Variants in SORCS3 observed in about 807,000 individuals in gnomAD.
SORCS3 encodes the protein sortilin related VPS10 domain containing receptor 3.
SORCS3 carries 57 observed loss-of-function variants against 146.3 expected under a neutral mutation model. That is an observed-to-expected ratio of 0.39 (90% CI 0.31 to 0.49). The LOEUF (loss-of-function observed/expected upper bound fraction) is 0.49. Ranked by LOEUF, SORCS3 falls within the 20% of genes least tolerant of loss-of-function variation. The pLI, the probability that SORCS3 is intolerant of heterozygous loss-of-function variation, is 0.92. For synonymous variants in SORCS3, 653 were observed against 618.5 expected (o/e 1.06, Z -0.83); for missense variants, 1,341 against 1,575.5 (o/e 0.85, Z 2.52).
intron 1 of SORCS3, among the ~76,000 whole-genome samples, chr10:104,805,676 G>A (rs1270380052): frequency 3.3e-5 from 5 of 152,098 alleles, no homozygotes; most frequent in Non-Finnish European, 5.9e-5. Context: ...GGGACATCCA[G>A]AGTAGGGAAG....
At chr10:104,851,494 G>A (rs7085388) in intron 2 of SORCS3, among the ~76,000 whole-genome samples, 4 of 152,280 alleles carry the variant, frequency 2.6e-5, no homozygotes, top group African/African-American at 4.8e-5. Context: ...CAATTCATTA[G>A]CCTTCTAATG....
chr10:104,703,065 C>T (rs922558085), intron 1 of SORCS3, among the ~76,000 whole-genome samples: 1 of 152,168 alleles, frequency 6.6e-6, no homozygotes, highest in Non-Finnish European at 1.5e-5. Context: ...ATTGATTATA[C>T]AAGAAGTTAG....
At chr10:104,670,342 T>C (rs537714510) in intron 1 of SORCS3, among the ~76,000 whole-genome samples, 6 of 152,286 alleles carry the variant, frequency 3.9e-5, no homozygotes, top group Non-Finnish European at 8.8e-5. Flanking sequence ...TTTTAGGTCT[T>C]ACATTTAGGT....
At chr10:105,068,430 C>A (rs552927022) in intron 5 of SORCS3, among the ~76,000 whole-genome samples, 154 of 152,250 alleles carry the variant, frequency 1.0e-3, no homozygotes, top group African/African-American at 3.6e-3. Context: ...TCCCTGTTGG[C>A]ACTTCCTTCA....
At chr10:105,250,685 G>T (rs573959607) in intron 22 of SORCS3, among the ~76,000 whole-genome samples, 1 of 152,096 alleles carries the variant, frequency 6.6e-6, no homozygotes, top group African/African-American at 2.4e-5. Context: ...CTTGCTTTAA[G>T]GTAGTTAAAG....
chr10:104,973,710 AT>A (rs1467965053), intron 3 of SORCS3, among the ~76,000 whole-genome samples: 1 of 149,254 alleles, frequency 6.7e-6, no homozygotes, highest in Non-Finnish European at 1.5e-5. Context: ...TTCTGCTCTG[AT>A]TTTAGTTATT....
intron 1 of SORCS3, among the ~76,000 whole-genome samples, chr10:104,651,443 C>T (rs2015556923): frequency 6.6e-6 from 1 of 150,410 alleles, no homozygotes; most frequent in African/African-American, 2.5e-5. Flanking sequence ...TTTGTAATTC[C>T]AGTACTTTGG....
chr10:104,938,172 A>G (rs932219162), intron 3 of SORCS3, among the ~76,000 whole-genome samples: 2 of 152,182 alleles, frequency 1.3e-5, no homozygotes, highest in Non-Finnish European at 2.9e-5. Flanking sequence ...AGAGAGACCC[A>G]AACTTTCTCA....
intron 1 of SORCS3, among the ~76,000 whole-genome samples, chr10:104,701,499 C>T (rs1291453675): frequency 1.3e-5 from 2 of 152,148 alleles, no homozygotes; most frequent in Non-Finnish European, 2.9e-5. Flanking sequence ...ACTGGAGAGC[C>T]CATTCAAATC....
chr10:105,193,544 G>A (rs2056528593), intron 14 of SORCS3, among the ~76,000 whole-genome samples: 2 of 152,140 alleles, frequency 1.3e-5, no homozygotes, highest in South Asian at 2.1e-4. Context: ...TGTACTTTGA[G>A]GTAGACATGG....
In SORCS3 at chr10:104,882,777, G is replaced by A. The variant is rs1387830; in HGVS notation, c.696-33056G>A. Among the ~76,000 whole-genome samples, 772 of 152,272 alleles carry A rather than the reference G, an allele frequency of 5.1e-3. 9 individuals are homozygous for A. Among genetic ancestry groups the A allele is most frequent in the African/African-American group, 0.018 (756 of 41,556 alleles). ...ATCTCCCCACCCAGTGCCACTCCTG[G>A]CCACAGACTGGGATGATAGCATCTT... On this transcript the variant is annotated intron_variant, in intron 2 of 26. Coordinates refer to ENST00000369701, the MANE Select transcript of SORCS3 (RefSeq NM_014978.3).
chr10:104,687,954 GATC>G (rs1406246072), intron 1 of SORCS3, among the ~76,000 whole-genome samples: 1 of 152,202 alleles, frequency 6.6e-6, no homozygotes, highest in East Asian at 1.9e-4. Flanking sequence ...AGAATTTAGT[GATC>G]ATCATCATCC....
chr10:105,084,844 C>G (rs1002422214), intron 5 of SORCS3, among the ~76,000 whole-genome samples: 9 of 151,944 alleles, frequency 5.9e-5, no homozygotes, highest in East Asian at 1.9e-4. Context: ...CATTCTCCTG[C>G]CTTAGCCTCC....
At chr10:104,767,171 G>C (rs2017190688) in intron 1 of SORCS3, among the ~76,000 whole-genome samples, 1 of 152,180 alleles carries the variant, frequency 6.6e-6, no homozygotes, top group East Asian at 1.9e-4. Context: ...CCCAGCTTAA[G>C]TGTAAGCCCT....
At chr10:104,655,402 T>C (rs1184288350) in intron 1 of SORCS3, among the ~76,000 whole-genome samples, 1 of 152,210 alleles carries the variant, frequency 6.6e-6, no homozygotes, top group Non-Finnish European at 1.5e-5. Context: ...ATAGTTATTT[T>C]TTCTGCTCCT....
intron 16 of SORCS3, 67 bp downstream of exon 16, chr10:105,201,320 G>C (rs1589685862): frequency 1.3e-6 from 2 of 1,545,372 alleles, no homozygotes. Context: ...GTGGGGTGGG[G>C]TGAAGATGAA....
chr10:105,140,243 A>G (rs12262386), intron 8 of SORCS3, among the ~76,000 whole-genome samples: 1 of 152,200 alleles, frequency 6.6e-6, no homozygotes, highest in African/African-American at 2.4e-5. Flanking sequence ...GAAAGACTAA[A>G]TGAGTACAGA....
At chr10:105,209,265 C>T (rs527909430) in intron 16 of SORCS3, among the ~76,000 whole-genome samples, 1 of 152,220 alleles carries the variant, frequency 6.6e-6, no homozygotes, top group East Asian at 1.9e-4. Context: ...CCAAGCCTCC[C>T]AAGTAGCTGG....
At chr10:104,659,805 T>C (rs1180601924) in intron 1 of SORCS3, among the ~76,000 whole-genome samples, 1 of 152,238 alleles carries the variant, frequency 6.6e-6, no homozygotes, top group Non-Finnish European at 1.5e-5. Context: ...TAAGAGGTCC[T>C]GGAGATTAGC....
Sources: gnomAD v4.1 joint callset for allele counts (sites outside exome capture counted in the v4.1 genomes callset) on GRCh38, gnomAD v4.1.1 for gene constraint, MANE v1.5 for transcripts, NCBI Gene and HGNC (gene_info 2026-07-23, HGNC 2026-07-21) for gene names.